PACRG: variants seen among roughly 807,000 people sequenced by gnomAD.
The protein encoded by PACRG is parkin coregulated gene protein.
In PACRG, 29 loss-of-function variants were observed where a neutral mutation model predicts 29.7. The ratio of observed to expected loss-of-function variants is 0.98; its 90% CI spans 0.73 to 1.33. The LOEUF (loss-of-function observed/expected upper bound fraction) is 1.33, where lower values mean the gene tolerates loss of function less well. Among genes scored for constraint, PACRG ranks in the 40% most tolerant of loss-of-function variants. The pLI is 0.00. For missense variants in PACRG, 279 were observed against 316.2 expected (o/e 0.88, Z 0.89); for synonymous variants, 116 against 118.7 (o/e 0.98, Z 0.15).
intron 2 of PACRG, among the ~76,000 whole-genome samples, chr6:162,976,658 C>A (rs1801987244): frequency 6.6e-6 from 1 of 152,132 alleles, no homozygotes; most frequent in African/African-American, 2.4e-5. Flanking sequence ...GTACATATGC[C>A]TGGTTTCATT....
intron 2 of PACRG, among the ~76,000 whole-genome samples, chr6:162,900,038 G>A (rs1327501745): frequency 2.6e-5 from 4 of 152,100 alleles, no homozygotes; most frequent in Non-Finnish European, 5.9e-5. Flanking sequence ...AAGGGCGGGG[G>A]AGAGAGAGCC....
chr6:162,964,746 GT>G, intron 2 of PACRG, among the ~76,000 whole-genome samples: 1 of 152,314 alleles, frequency 6.6e-6, no homozygotes, highest in African/African-American at 2.4e-5. Context: ...AGAGAAGGCA[GT>G]TTTTGAAGGA....
At chr6:163,116,844 A>T (rs908748101) in intron 4 of PACRG, among the ~76,000 whole-genome samples, 10 of 152,172 alleles carry the variant, frequency 6.6e-5, no homozygotes, top group African/African-American at 2.4e-4. Flanking sequence ...TAGGATGGTG[A>T]TGCCGTTTTC....
intron 2 of PACRG, among the ~76,000 whole-genome samples, chr6:162,844,268 C>A (rs1258210612): frequency 6.6e-6 from 1 of 152,190 alleles, no homozygotes; most frequent in Non-Finnish European, 1.5e-5. Context: ...GGCGTAGGAC[C>A]CTCCGAGCCA....
intron 1 of PACRG, among the ~76,000 whole-genome samples, chr6:162,749,863 T>G (rs1426572066): frequency 6.6e-6 from 1 of 152,238 alleles, no homozygotes; most frequent in Non-Finnish European, 1.5e-5. Context: ...ACTGTATCAC[T>G]GAATATAGTA....
At chr6:163,091,800 A>G (rs1418439751) in intron 4 of PACRG, among the ~76,000 whole-genome samples, 1 of 152,260 alleles carries the variant, frequency 6.6e-6, no homozygotes, top group Admixed American at 6.5e-5. Context: ...TTTAGCTTTA[A>G]TAACATTTTA....
intron 2 of PACRG, among the ~76,000 whole-genome samples, chr6:163,040,558 G>A (rs932219909): frequency 4.6e-5 from 7 of 152,252 alleles, no homozygotes; most frequent in Admixed American, 6.5e-5. Context: ...GAAAGCAGAT[G>A]CAGGAAGTGT....
chr6:163,060,114 G>A (rs568744), intron 2 of PACRG, among the ~76,000 whole-genome samples: 4,342 of 151,920 alleles, frequency 0.029, 92 homozygotes, highest in Non-Finnish European at 0.044. Context: ...AACAACAACC[G>A]AAGACCAAAA....
chr6:163,297,479 C>T (rs1026253731), intron 4 of PACRG, among the ~76,000 whole-genome samples: 1 of 152,140 alleles, frequency 6.6e-6, no homozygotes, highest in African/African-American at 2.4e-5. Flanking sequence ...AAGTTCATCT[C>T]CCAGGACCTA....
At chr6:163,294,138 A>AT (rs1784706836) in intron 4 of PACRG, among the ~76,000 whole-genome samples, 1 of 152,180 alleles carries the variant, frequency 6.6e-6, no homozygotes, top group African/African-American at 2.4e-5. Flanking sequence ...GGTAAAATAG[A>AT]TGAGGAAATT....
chr6:163,017,687 C>T (rs1341515376), intron 2 of PACRG, among the ~76,000 whole-genome samples: 1 of 152,054 alleles, frequency 6.6e-6, no homozygotes, highest in Non-Finnish European at 1.5e-5. Flanking sequence ...GAGAGACAGA[C>T]AGACAGACGG....
At chr6:162,826,500 G>A (rs1415866153) in intron 2 of PACRG, among the ~76,000 whole-genome samples, 2 of 128,964 alleles carry the variant, frequency 1.6e-5, no homozygotes, top group Admixed American at 8.5e-5. Flanking sequence ...TTTCACTCTT[G>A]TTGCCCAGGC....
chr6:162,796,111 A>T (rs911622177), intron 1 of PACRG, among the ~76,000 whole-genome samples: 1 of 152,112 alleles, frequency 6.6e-6, no homozygotes, highest in African/African-American at 2.4e-5. Flanking sequence ...GAATATTTTT[A>T]AAATGTTAAA....
At chr6:162,748,228 C>T (rs1276674791) in intron 1 of PACRG, among the ~76,000 whole-genome samples, 10 of 152,064 alleles carry the variant, frequency 6.6e-5, no homozygotes, top group Admixed American at 2.0e-4. Context: ...CTGTGGCTCA[C>T]GCCTGTAATT....
At chr6:163,035,186 G>C (rs1808047979) in intron 2 of PACRG, among the ~76,000 whole-genome samples, 1 of 152,134 alleles carries the variant, frequency 6.6e-6, no homozygotes, top group Admixed American at 6.5e-5. Flanking sequence ...CCTGTATCTT[G>C]TGTTGACCTT....
At chr6:162,919,105 AT>A (rs1363762419) in intron 2 of PACRG, among the ~76,000 whole-genome samples, 2 of 152,154 alleles carry the variant, frequency 1.3e-5, no homozygotes, top group African/African-American at 4.8e-5. Context: ...AAGAAATACC[AT>A]TTGGGATGAG....
intron 2 of PACRG, among the ~76,000 whole-genome samples, chr6:162,820,010 A>AG (rs1413238097): frequency 2.0e-5 from 3 of 152,142 alleles, no homozygotes; most frequent in Non-Finnish European, 2.9e-5. Flanking sequence ...AACGGTCTTG[A>AG]GGGGGTTGAA....
At chr6:163,088,728 G>T (rs1420125071) in intron 3 of PACRG, among the ~76,000 whole-genome samples, 1 of 151,274 alleles carries the variant, frequency 6.6e-6, no homozygotes, top group Non-Finnish European at 1.5e-5. Context: ...CTTTGTGAGG[G>T]CCTAAACGTA....
chr6:162,956,732 A>G (rs1800071683), intron 2 of PACRG, among the ~76,000 whole-genome samples: 1 of 152,120 alleles, frequency 6.6e-6, no homozygotes, highest in African/African-American at 2.4e-5. Context: ...CTCTGTTTCC[A>G]ACCTCCTCTG....
Sources: gnomAD v4.1 joint callset for allele counts (sites outside exome capture counted in the v4.1 genomes callset) on GRCh38, gnomAD v4.1.1 for gene constraint, MANE v1.5 for transcripts, NCBI Gene and HGNC (gene_info 2026-07-23, HGNC 2026-07-21) for gene names.